The following SATL1 variants were observed in gnomAD, a reference collection of about 807,000 sequenced individuals.
The protein encoded by SATL1 is spermidine/spermine N(1)-acetyltransferase-like protein 1.
Under a neutral mutation model 51.8 loss-of-function variants are expected in SATL1, and 47 were observed. That is an observed-to-expected ratio of 0.91 (90% CI 0.72 to 1.16). The LOEUF (loss-of-function observed/expected upper bound fraction) is 1.16, where lower values mean the gene tolerates loss of function less well. SATL1 is among the 50% of genes most tolerant of loss of function. The pLI, the probability that SATL1 is intolerant of heterozygous loss-of-function variation, is 0.00. For synonymous variants in SATL1, 176 were observed against 182.4 expected (o/e 0.97, Z 0.28); for missense variants, 520 against 526.4 (o/e 0.99, Z 0.12).
At chrX:85,121,522 AG>A (rs1925509195) in intron 2 of SATL1, among the ~76,000 whole-genome samples, 1 of 104,981 alleles carries the variant, frequency 9.5e-6, no homozygotes, top group African/African-American at 3.4e-5. Context: ...AACAAGAAAT[AG>A]CTAATGGACC....
At chrX:85,101,716 ACTT>A (rs925371105) in intron 4 of SATL1, among the ~76,000 whole-genome samples, 4 of 111,912 alleles carry the variant, frequency 3.6e-5, no homozygotes, top group African/African-American at 1.3e-4. Flanking sequence ...TCAGACAGAT[ACTT>A]GTACACCAAT....
chrX:85,149,339 G>A (rs1462672034), intron 2 of SATL1, among the ~76,000 whole-genome samples: 1 of 111,239 alleles, frequency 9.0e-6, no homozygotes, highest in Non-Finnish European at 1.9e-5. Context: ...CCTACAAAGA[G>A]TCTTAGACTC....
Position 85,094,213 on chromosome X carries a change from T to TC in SATL1, c.1790dup (p.Phe598IlefsTer35), listed in dbSNP as rs1314213975. The TC allele has an allele frequency of 1.7e-6, 2 of 1,170,371 alleles. No individual in the cohort carries two copies. The highest frequency in any genetic ancestry group is 2.3e-6 in the Non-Finnish European group (2 of 859,802). ...CGTATGTAAAGTAGTACATGGCAAA[T>TC]CCAACAGTCAGTTTGCCTAGGAAGG... On this transcript the variant is annotated frameshift_variant, in exon 6 of 8. Coordinates refer to ENST00000644105, the MANE Select transcript of SATL1 (RefSeq NM_001367857.2). LOFTEE classifies it high-confidence loss of function.
At chrX:85,105,054 C>T (rs147464206) in intron 3 of SATL1, among the ~76,000 whole-genome samples, 1 of 111,358 alleles carries the variant, frequency 9.0e-6, no homozygotes, top group Non-Finnish European at 1.9e-5. Context: ...TGGTATAGAT[C>T]ATCTCCCCTC....
intron 2 of SATL1, among the ~76,000 whole-genome samples, chrX:85,158,991 C>T (rs73511637): frequency 0.042 from 4,648 of 110,875 alleles, 280 homozygotes; most frequent in African/African-American, 0.14. Flanking sequence ...TCTTTACATA[C>T]CTGAGAGTAT....
intron 2 of SATL1, chrX:85,219,028 G>A (rs1018501527): frequency 1.2e-4 from 13 of 111,558 alleles, no homozygotes; most frequent in African/African-American, 4.2e-4. Context: ...AATTACATTC[G>A]ATATTTTTCA....
Position 85,107,691 on chromosome X carries a change from C to T in SATL1, c.1278G>A (p.Pro426=), listed in dbSNP as rs368970363. 6.6e-6 allele frequency: 8 copies of T among 1,210,184 alleles called. No individual in the cohort carries two copies. The highest frequency in any genetic ancestry group is 5.2e-5 in the African/African-American group (3 of 57,170). Residue 426 remains proline, a synonymous_variant, in exon 3 of 8, where the codon CCG becomes CCA. Coordinates refer to ENST00000644105, the MANE Select transcript of SATL1 (RefSeq NM_001367857.2). ...TWQTGLSQPV[P]RQPNKSPPGM... ...CTGGTGGACTCTTGTTTGGTTGCCTCGGGACTGGTTGGCTCAGGCCTGTTT... is the reference window on the plus strand; with the variant it reads ...CTGGTGGACTCTTGTTTGGTTGCCTTGGGACTGGTTGGCTCAGGCCTGTTT...
Position 85,107,760 on chromosome X carries a change from T to C in SATL1, c.1209A>G (p.Gln403=), listed in dbSNP as rs898279546. 7 of 1,210,628 alleles carry C rather than the reference T, an allele frequency of 5.8e-6. No individual in the cohort carries two copies. Among genetic ancestry groups the C allele is most frequent in the Non-Finnish European group, 6.7e-6 (6 of 895,354 alleles). ...TCATGCCTATTTGGCTTGTGCCTGA[T>C]TGGCTGGTGCCTACTTGTCTCATGC... ...QPSMRQVGTS[Q]SGTSQIGMSQ... is the part of the protein sequence containing the mutation. The change falls in exon 3 of 8, where the codon CAA becomes CAG. Residue 403 remains glutamine (Q), a synonymous_variant. Transcript: ENST00000644105.
chrX:85,181,275 T>C (rs1191369558), intron 2 of SATL1, among the ~76,000 whole-genome samples: 1 of 108,781 alleles, frequency 9.2e-6, no homozygotes, highest in Non-Finnish European at 1.9e-5. Flanking sequence ...TGAATGCCCA[T>C]GGAAATACTG....
intron 2 of SATL1, among the ~76,000 whole-genome samples, chrX:85,125,661 T>C (rs1039650966): frequency 2.2e-4 from 24 of 109,274 alleles, no homozygotes; most frequent in Admixed American, 1.6e-3. Flanking sequence ...CAATCTATGA[T>C]GAGCCCATAG....
chrX:85,149,728 G>T (rs1926368356), intron 2 of SATL1, among the ~76,000 whole-genome samples: 2 of 109,432 alleles, frequency 1.8e-5, no homozygotes, highest in South Asian at 7.7e-4. Flanking sequence ...GGTACACAAC[G>T]AAATGAAGGC....
In SATL1 at chrX:85,108,316, A is replaced by C. The variant is rs762575450; in HGVS notation, c.653T>G (p.Met218Arg). Residue 218 changes from methionine (M) to arginine (R), a missense_variant, in exon 3 of 8, where the codon ATG becomes AGG. Coordinates refer to ENST00000644105, the MANE Select transcript of SATL1 (RefSeq NM_001367857.2). ...TGGTTGGCTGGGGACTTGCTGGCTC[A>C]TGCCTGGTTGACTCATGTCTGGGTG... is the stretch of plus-strand genomic sequence containing the variant. ...PSHPDMSQPG[M>R]SQQVPSQPGI... 5 of 1,209,411 alleles carry C rather than the reference A, an allele frequency of 4.1e-6. No individual in the cohort carries two copies. In the East Asian group the frequency reaches 1.2e-4, roughly 29 times the overall value.
intron 2 of SATL1, among the ~76,000 whole-genome samples, chrX:85,166,929 ATATATATGTG>A (rs1261112195): frequency 3.5e-4 from 32 of 90,249 alleles, no homozygotes; most frequent in African/African-American, 1.6e-3. Context: ...ATATATATAT[ATATATATGTG>A]TATGTGTGTG....
intron 2 of SATL1, among the ~76,000 whole-genome samples, chrX:85,150,647 A>T (rs1926402180): frequency 8.9e-6 from 1 of 111,958 alleles, no homozygotes; most frequent in South Asian, 3.7e-4. Context: ...CCTGGGATGC[A>T]AGGCTGGTTC....
At chrX:85,194,446 G>T (rs985472986) in intron 2 of SATL1, among the ~76,000 whole-genome samples, 1 of 111,066 alleles carries the variant, frequency 9.0e-6, no homozygotes, top group Non-Finnish European at 1.9e-5. Context: ...AGTAACAGAG[G>T]TGAAAAAAAT....
chrX:85,151,300 C>T (rs937556025), intron 2 of SATL1, among the ~76,000 whole-genome samples: 5 of 110,802 alleles, frequency 4.5e-5, no homozygotes, highest in Non-Finnish European at 9.4e-5. Flanking sequence ...CAAACCGGTG[C>T]TCAAGGAAAT....
At chrX:85,111,399 A>G (rs1379072368) in intron 2 of SATL1, among the ~76,000 whole-genome samples, 1 of 112,420 alleles carries the variant, frequency 8.9e-6, no homozygotes, top group African/African-American at 3.2e-5. Flanking sequence ...TACTTATTAG[A>G]ACAATTTGTC....
At chrX:85,116,921 T>G (rs1031176506) in intron 2 of SATL1, among the ~76,000 whole-genome samples, 3 of 111,662 alleles carry the variant, frequency 2.7e-5, no homozygotes, top group Admixed American at 1.9e-4. Flanking sequence ...CTCAAGCATG[T>G]GCACTAAGAG....
chrX:85,093,327 T>G, intron 6 of SATL1, 102 bp from the exon 7 acceptor site: 1 of 805,595 alleles, frequency 1.2e-6, no homozygotes, highest in Non-Finnish European at 1.8e-6. Flanking sequence ...ATCTGTTTTT[T>G]GTATATTATT....
Sources: allele counts gnomAD v4.1 joint callset (sites outside exome capture counted in the v4.1 genomes callset), GRCh38; gene constraint gnomAD v4.1.1; transcripts MANE v1.5; gene names NCBI Gene and HGNC (gene_info 2026-07-23, HGNC 2026-07-21).